EPHA6: variants seen among roughly 807,000 people sequenced by gnomAD.
EPHA6 encodes ephrin type-A receptor 6.
EPHA6 carries 50 observed loss-of-function variants against 112.0 expected under a neutral mutation model. The ratio of observed to expected loss-of-function variants is 0.45; its 90% CI spans 0.36 to 0.56. The LOEUF (loss-of-function observed/expected upper bound fraction) is 0.56. EPHA6 is among the 20% of genes least tolerant of loss of function. The probability of loss-of-function intolerance (pLI) is 0.00; values close to 1 mark genes in which losing one functional copy is unlikely to be tolerated. For missense variants in EPHA6, 1,280 were observed against 1,417.4 expected, an observed-to-expected ratio of 0.90 and a Z score of 1.56; for synonymous variants, 529 against 490.7, an observed-to-expected ratio of 1.08 and a Z score of -1.03.
At chr3:97,373,951 T>C (rs1003779569) in intron 5 of EPHA6, among the ~76,000 whole-genome samples, 2 of 152,156 alleles carry the variant, frequency 1.3e-5, no homozygotes, top group African/African-American at 4.8e-5. Flanking sequence ...AAAAAGGTGG[T>C]CTTTTGCTTT....
At chr3:97,386,375 C>A (rs1433062589) in intron 5 of EPHA6, among the ~76,000 whole-genome samples, 2 of 152,146 alleles carry the variant, frequency 1.3e-5, no homozygotes, top group African/African-American at 4.8e-5. Context: ...CGGGTAAATA[C>A]ACCCATTCCA....
intron 5 of EPHA6, among the ~76,000 whole-genome samples, chr3:97,246,406 A>C (rs2078988127): frequency 1.3e-5 from 2 of 151,878 alleles, no homozygotes; most frequent in Admixed American, 1.3e-4. Context: ...TCTGCTTATC[A>C]AAAGGATAAA....
Position 97,483,818 on chromosome 3 carries a change from T to A in EPHA6, c.2075-116T>A, listed in dbSNP as rs144695067. ...TGGGACAGGAAGAAAAGAGAGACTT[T>A]AAATCATTATCAAGACTGACTACTT... On this transcript the variant is annotated intron_variant, in intron 9 of 17. Coordinates refer to ENST00000389672, the MANE Select transcript of EPHA6 (RefSeq NM_001080448.3). The A allele has an allele frequency of 4.2e-4, 467 of 1,110,350 alleles. 2 individuals carry two copies. The African/African-American group carries it at 6.7e-3, about 16-fold the overall frequency. 68.8% of individuals were successfully genotyped at this position (1,110,350 alleles called of 1,614,324 possible).
intron 3 of EPHA6, among the ~76,000 whole-genome samples, chr3:97,083,515 G>T (rs559474380): frequency 6.6e-6 from 1 of 152,036 alleles, no homozygotes; most frequent in Admixed American, 6.6e-5. Flanking sequence ...GACCAAGACT[G>T]ATCCTGAGCT....
At chr3:97,242,017 G>C (rs540406594) in intron 4 of EPHA6, among the ~76,000 whole-genome samples, 1 of 151,596 alleles carries the variant, frequency 6.6e-6, no homozygotes, top group East Asian at 1.9e-4. Flanking sequence ...GTTTATCCCT[G>C]TTCTCTAGTG....
chr3:97,152,726 C>G (rs2076199492), intron 3 of EPHA6, among the ~76,000 whole-genome samples: 1 of 152,070 alleles, frequency 6.6e-6, no homozygotes, highest in South Asian at 2.1e-4. Context: ...ATGATTACTT[C>G]TTTTCATTGC....
At chr3:97,630,858 A>G (rs1158396944) in intron 13 of EPHA6, among the ~76,000 whole-genome samples, 1 of 151,908 alleles carries the variant, frequency 6.6e-6, no homozygotes, top group East Asian at 1.9e-4. Flanking sequence ...TCAAATATAA[A>G]ACTTTTATTG....
At chr3:97,551,593 A>G (rs186015137) in intron 11 of EPHA6, among the ~76,000 whole-genome samples, 96 of 152,272 alleles carry the variant, frequency 6.3e-4, no homozygotes, top group Admixed American at 1.3e-3. Context: ...TTATTCTAGC[A>G]TAGCCATATA....
At chr3:97,456,277 C>T (rs1243987311) in intron 7 of EPHA6, among the ~76,000 whole-genome samples, 1 of 151,874 alleles carries the variant, frequency 6.6e-6, no homozygotes, top group East Asian at 1.9e-4. Flanking sequence ...TTTGTGTATG[C>T]TGTGTGAATT....
chr3:97,163,868 T>C (rs2076475615), intron 3 of EPHA6, among the ~76,000 whole-genome samples: 1 of 152,184 alleles, frequency 6.6e-6, no homozygotes, highest in Non-Finnish European at 1.5e-5. Flanking sequence ...ACTGTAACAG[T>C]AGACACCCTG....
chr3:96,848,542 T>A (rs2035209412), intron 1 of EPHA6, among the ~76,000 whole-genome samples: 1 of 152,002 alleles, frequency 6.6e-6, no homozygotes. Flanking sequence ...AGAGAATTTC[T>A]TGAACCCAGG....
rs2077678043 is a variant in EPHA6 at position 97,204,973 on chromosome 3, T to C, written c.1115-21291T>C. ...TATATTTTAGAACTTATATTTTCCA[T>C]TAAAATTACATAGAAAAATTGGGCA... On this transcript the variant is annotated intron_variant, in intron 3 of 17. Transcript: ENST00000389672. Among the ~76,000 whole-genome samples, 3 of 152,234 alleles carry C rather than the reference T, an allele frequency of 2.0e-5. No individual in the cohort carries two copies. In the South Asian group the frequency reaches 6.2e-4, roughly 32 times the overall value.
chr3:97,631,256 T>G (rs1300668913), intron 13 of EPHA6, among the ~76,000 whole-genome samples: 1 of 152,012 alleles, frequency 6.6e-6, no homozygotes, highest in Non-Finnish European at 1.5e-5. Flanking sequence ...TCTTCAGAGA[T>G]GCCCATCTTT....
At chr3:96,992,219 CAT>C (rs1169922861) in intron 3 of EPHA6, among the ~76,000 whole-genome samples, 1 of 152,176 alleles carries the variant, frequency 6.6e-6, no homozygotes, top group African/African-American at 2.4e-5. Context: ...CAGTACATAA[CAT>C]GTGTTGACCT....
At chr3:97,448,477 G>A (rs576647440) in intron 6 of EPHA6, 91 bp from the exon 7 acceptor site, 179 of 1,349,144 alleles carry the variant, frequency 1.3e-4, no homozygotes, top group Middle Eastern at 3.7e-4. Flanking sequence ...GGTATTCAGA[G>A]CATAATTTCT....
chr3:97,602,594 C>G (rs139458049), intron 12 of EPHA6, among the ~76,000 whole-genome samples: 1 of 152,184 alleles, frequency 6.6e-6, no homozygotes, highest in African/African-American at 2.4e-5. Context: ...AGGCAAGTTG[C>G]TTAAACTCTC....
At chr3:97,263,866 T>C (rs1031235640) in intron 5 of EPHA6, among the ~76,000 whole-genome samples, 5 of 152,218 alleles carry the variant, frequency 3.3e-5, no homozygotes, top group Admixed American at 6.5e-5. Context: ...ACAAATTTGG[T>C]TGAATTTGTA....
intron 5 of EPHA6, among the ~76,000 whole-genome samples, chr3:97,303,445 A>G (rs1559864821): frequency 6.6e-6 from 1 of 150,612 alleles, no homozygotes; most frequent in African/African-American, 2.4e-5. Flanking sequence ...AAGACCGAGC[A>G]AGAGAGAGAG....
intron 10 of EPHA6, among the ~76,000 whole-genome samples, chr3:97,489,937 G>A (rs1204569223): frequency 6.6e-6 from 1 of 152,052 alleles, no homozygotes; most frequent in Non-Finnish European, 1.5e-5. Context: ...ATTAATTTTT[G>A]TTAATTTCAT....
Sources: allele counts gnomAD v4.1 joint callset (sites outside exome capture counted in the v4.1 genomes callset), GRCh38; gene constraint gnomAD v4.1.1; transcripts MANE v1.5; gene names NCBI Gene and HGNC (gene_info 2026-07-23, HGNC 2026-07-21).